Variants in SOX6 observed in about 807,000 individuals in gnomAD.
SOX6 encodes the protein transcription factor SOX-6.
Under a neutral mutation model 97.8 loss-of-function variants are expected in SOX6, and 11 were observed. That is an observed-to-expected ratio of 0.11 (90% confidence interval 0.07 to 0.19). The LOEUF is 0.19. Ranked by LOEUF, SOX6 falls within the 10% of genes least tolerant of loss-of-function variation. The pLI is 1.00. For missense variants in SOX6, 810 were observed against 1,039.5 expected, an observed-to-expected ratio of 0.78 and a Z score of 3.04; for synonymous variants, 360 against 371.4, an observed-to-expected ratio of 0.97 and a Z score of 0.35.
rs1479998854 is a variant in SOX6 at position 15,967,633 on chromosome 11, A to T, written c.*5176T>A. 2 of 152,252 alleles carry T rather than the reference A, an allele frequency of 1.3e-5. No individual in the cohort carries two copies. The highest frequency in any genetic ancestry group is 1.5e-5 in the Non-Finnish European group (1 of 68,048). 9.4% of individuals were successfully genotyped at this position (152,252 alleles called of 1,614,324 possible). A position where few individuals can be genotyped will look rare whatever the true frequency, so the allele number is the denominator to read the frequency against. On this transcript the variant is annotated 3_prime_UTR_variant, in exon 16 of 16. Transcript: ENST00000683767. Reference sequence around the variant, plus strand: ...ATAAAGACTGCACTTTCAAAAAAGCAAAAACACATATGACAAAGGAAGACA... The same window carrying T: ...ATAAAGACTGCACTTTCAAAAAAGCTAAAACACATATGACAAAGGAAGACA...
upstream of SOX6, chr11:16,476,405 A>C (rs1860249173): frequency 6.6e-6 from 1 of 152,370 alleles, no homozygotes; most frequent in Non-Finnish European, 1.5e-5. Context: ...ATTTAATAGA[A>C]AATGAAATAA....
At chr11:16,504,363 T>A (rs1231337229) in intron 4 of SOX6, among the ~76,000 whole-genome samples, 1 of 151,980 alleles carries the variant, frequency 6.6e-6, no homozygotes, top group African/African-American at 2.4e-5. Context: ...CACCAAAAAC[T>A]CTTACATCTG....
intron 4 of SOX6, among the ~76,000 whole-genome samples, chr11:16,496,787 G>A (rs1400349579): frequency 6.6e-6 from 1 of 152,200 alleles, no homozygotes; most frequent in African/African-American, 2.4e-5. Flanking sequence ...ACACACCACT[G>A]CTGAGGCTTG....
intron 4 of SOX6, among the ~76,000 whole-genome samples, chr11:16,570,669 G>A (rs2133198717): frequency 1.3e-5 from 2 of 152,254 alleles, no homozygotes; most frequent in Middle Eastern, 6.8e-3. Context: ...TTTCAAAACT[G>A]TTCAAATTAG....
At chr11:16,544,094 T>C (rs1847587520) in intron 4 of SOX6, among the ~76,000 whole-genome samples, 1 of 152,124 alleles carries the variant, frequency 6.6e-6, no homozygotes. Context: ...GAAAACATGC[T>C]AAGCAAAAGA....
intron 4 of SOX6, among the ~76,000 whole-genome samples, chr11:16,550,492 T>C (rs1459599850): frequency 6.6e-6 from 1 of 151,758 alleles, no homozygotes; most frequent in Admixed American, 6.6e-5. Flanking sequence ...AATAAAAAAA[T>C]AAAAAATCTA....
chr11:16,252,438 G>C (rs931890726), intron 3 of SOX6: 3 of 152,170 alleles, frequency 2.0e-5, no homozygotes, highest in African/African-American at 7.2e-5. Flanking sequence ...TTGGAACTGT[G>C]ATCTACGAAC....
chr11:15,972,751 C>G lies in SOX6; in HGVS notation c.*58G>C, dbSNP rs938518898. 6.3e-7 allele frequency: 1 copy of G among 1,588,986 alleles called. No individual in the cohort carries two copies. Among genetic ancestry groups the G allele is most frequent in the Non-Finnish European group, 8.6e-7 (1 of 1,157,942 alleles). On this transcript the variant is annotated 3_prime_UTR_variant, in exon 16 of 16. Coordinates refer to ENST00000683767, the MANE Select transcript of SOX6 (RefSeq NM_001367873.1). ...AATGCATGCGGGCTCTTTAATAACT[C>G]TTTGTTGGGGAGGGGGGTGAAATGT...
chr11:16,724,758 T>C (rs1301117839), intron 2 of SOX6, among the ~76,000 whole-genome samples: 1 of 152,234 alleles, frequency 6.6e-6, no homozygotes, highest in Non-Finnish European at 1.5e-5. Flanking sequence ...TTAGTATACT[T>C]GGTGTTTTGC....
chr11:16,489,793 A>G (rs1860482273), intron 4 of SOX6, among the ~76,000 whole-genome samples: 5 of 152,072 alleles, frequency 3.3e-5, no homozygotes, highest in Admixed American at 1.3e-4. Context: ...CCATTACTTC[A>G]CACTCTACCA....
At chr11:16,724,457 G>C (rs1259399620) in intron 2 of SOX6, among the ~76,000 whole-genome samples, 1 of 150,686 alleles carries the variant, frequency 6.6e-6, no homozygotes, top group Non-Finnish European at 1.5e-5. Flanking sequence ...TAAAAACGTG[G>C]TCTTCATTCA....
At chr11:16,009,656 T>A (rs536724513) in intron 13 of SOX6, among the ~76,000 whole-genome samples, 1 of 152,190 alleles carries the variant, frequency 6.6e-6, no homozygotes, top group African/African-American at 2.4e-5. Flanking sequence ...CGACTACTTG[T>A]CAGGGATATG....
At chr11:16,327,899 T>C (rs1166390525) in intron 2 of SOX6, among the ~76,000 whole-genome samples, 4 of 152,188 alleles carry the variant, frequency 2.6e-5, no homozygotes, top group African/African-American at 4.8e-5. Flanking sequence ...CCCTACCGGC[T>C]GCCCAGTCTA....
intron 3 of SOX6, among the ~76,000 whole-genome samples, chr11:16,266,136 T>G (rs924859827): frequency 1.3e-5 from 2 of 151,742 alleles, no homozygotes; most frequent in Admixed American, 1.3e-4. Flanking sequence ...ATAATTAACT[T>G]GCTTAGAACC....
chr11:16,718,068 T>C (rs980969780), intron 2 of SOX6, among the ~76,000 whole-genome samples: 3 of 151,874 alleles, frequency 2.0e-5, no homozygotes, highest in Non-Finnish European at 4.4e-5. Flanking sequence ...GCTCCAGACA[T>C]TTGTAGCCTT....
At chr11:16,186,724 C>G (rs1249767240) in intron 5 of SOX6, 59 bp downstream of exon 5, 2 of 1,564,360 alleles carry the variant, frequency 1.3e-6, no homozygotes, top group Non-Finnish European at 1.8e-6. Context: ...AATTTGATTA[C>G]TCTCTGAGCC....
At chr11:16,095,652 T>G (rs1457273829) in intron 9 of SOX6, among the ~76,000 whole-genome samples, 1 of 151,876 alleles carries the variant, frequency 6.6e-6, no homozygotes, top group Non-Finnish European at 1.5e-5. Flanking sequence ...AATTTTTTAA[T>G]GTTTAAGTAT....
intron 3 of SOX6, among the ~76,000 whole-genome samples, chr11:16,269,055 G>A (rs1420856529): frequency 1.3e-5 from 2 of 149,252 alleles, no homozygotes; most frequent in African/African-American, 2.5e-5. Flanking sequence ...TTAACCCTTA[G>A]ATCTCTGATC....
At chr11:16,644,083 C>T (rs1326713184) in intron 3 of SOX6, among the ~76,000 whole-genome samples, 2 of 152,202 alleles carry the variant, frequency 1.3e-5, no homozygotes, top group Admixed American at 6.5e-5. Flanking sequence ...TTCTGTCACC[C>T]AGGCTGGAGT....
Sources: gnomAD v4.1 joint callset for allele counts (sites outside exome capture counted in the v4.1 genomes callset) on GRCh38, gnomAD v4.1.1 for gene constraint, MANE v1.5 for transcripts, NCBI Gene and HGNC (gene_info 2026-07-23, HGNC 2026-07-21) for gene names.